AGBL1: variants seen among roughly 807,000 people sequenced by gnomAD.
AGBL1 encodes the protein AGBL carboxypeptidase 1.
A neutral mutation model predicts 118.9 loss-of-function variants in AGBL1; 130 were observed. The observed-to-expected ratio is 1.09, with a 90% CI of 0.95 to 1.26. AGBL1 has a LOEUF of 1.26. AGBL1 is among the 50% of genes most tolerant of loss of function. AGBL1 has a pLI of 0.00. For missense variants in AGBL1, 1,584 were observed against 1,298.1 expected (o/e 1.22, Z -3.38); for synonymous variants, 555 against 478.9 (o/e 1.16, Z -2.08).
chr15:86,560,101 A>G (rs1189510777), intron 21 of AGBL1, among the ~76,000 whole-genome samples: 1 of 152,034 alleles, frequency 6.6e-6, no homozygotes, highest in Non-Finnish European at 1.5e-5. Flanking sequence ...GTGTAATGTG[A>G]AGCCCTTAAA....
chr15:86,903,055 C>T (rs1364689103), intron 22 of AGBL1, among the ~76,000 whole-genome samples: 3 of 151,996 alleles, frequency 2.0e-5, no homozygotes, highest in African/African-American at 7.2e-5. Flanking sequence ...TGTTATAGTC[C>T]TACAGGATCT....
At chr15:86,890,215 C>A (rs927614972) in intron 22 of AGBL1, among the ~76,000 whole-genome samples, 3 of 152,086 alleles carry the variant, frequency 2.0e-5, no homozygotes, top group African/African-American at 7.3e-5. Flanking sequence ...AGTGTCTGTT[C>A]ATATCCTTTG....
intron 10 of AGBL1, among the ~76,000 whole-genome samples, 170 bp downstream of exon 10, chr15:86,263,064 T>C (rs367875085): frequency 3.3e-5 from 5 of 152,218 alleles, no homozygotes; most frequent in African/African-American, 1.2e-4. Context: ...TGGGAAAAGA[T>C]GGCAAAAATG....
chr15:86,549,835 G>A (rs1459546346), intron 20 of AGBL1, among the ~76,000 whole-genome samples: 1 of 139,698 alleles, frequency 7.2e-6, no homozygotes, highest in African/African-American at 2.6e-5. Context: ...AGGAAGGAAG[G>A]TAGGAAAGAG....
chr15:86,422,762 G>C (rs926566949), intron 18 of AGBL1, among the ~76,000 whole-genome samples: 1 of 151,768 alleles, frequency 6.6e-6, no homozygotes, highest in Non-Finnish European at 1.5e-5. Context: ...ATAAAGGGGA[G>C]ATCACCACTG....
At chr15:86,646,071 C>T (rs563224123) in intron 21 of AGBL1, among the ~76,000 whole-genome samples, 4 of 152,260 alleles carry the variant, frequency 2.6e-5, no homozygotes, top group South Asian at 4.1e-4. Flanking sequence ...GGGAGTGTAT[C>T]TTGGCGTGTA....
chr15:86,731,964 G>T (rs538933829), intron 22 of AGBL1, among the ~76,000 whole-genome samples: 1 of 152,190 alleles, frequency 6.6e-6, no homozygotes, highest in South Asian at 2.1e-4. Flanking sequence ...ATTCCTCAAG[G>T]GCACTGATCT....
At chr15:86,652,282 C>T (rs2085386809) in intron 21 of AGBL1, among the ~76,000 whole-genome samples, 1 of 152,122 alleles carries the variant, frequency 6.6e-6, no homozygotes, top group Non-Finnish European at 1.5e-5. Flanking sequence ...ATGACTTCCA[C>T]TTAGTGACAA....
chr15:87,006,094 G>T (rs1268888410), intron 24 of AGBL1, among the ~76,000 whole-genome samples: 2 of 152,212 alleles, frequency 1.3e-5, no homozygotes, highest in Non-Finnish European at 2.9e-5. Flanking sequence ...TGAGGTATCA[G>T]TCTGCCCCTA....
intron 24 of AGBL1, among the ~76,000 whole-genome samples, chr15:86,999,387 A>C: frequency 1.6e-5 from 2 of 125,186 alleles, no homozygotes; most frequent in Non-Finnish European, 1.7e-5. Context: ...CCACCCCACA[A>C]CAGTCCCCAG....
At chr15:86,919,757 G>A (rs80245832), downstream of AGBL1, among the ~76,000 whole-genome samples, 9,903 of 152,238 alleles carry the variant, frequency 0.065, 502 homozygotes, top group East Asian at 0.25. Context: ...GCTCTCTCAC[G>A]ATGTTTTATA....
chr15:86,961,966 G>A lies in AGBL1; in HGVS notation c.3222-26021G>A, dbSNP rs569629640. The stretch of plus-strand genomic sequence containing the variant: ...AAACTGACTTTATAGAGTAATGTCC[G>A]AAAAGCCTGGATGTGAGGATAAATA... On this transcript the variant is annotated intron_variant, in intron 23 of 24. Coordinates refer to the AGBL1 transcript ENST00000441037. 3.3e-5 allele frequency among the ~76,000 whole-genome samples: 5 copies of A among 152,190 alleles called. No individual in the cohort carries two copies. The East Asian group carries it at 7.8e-4, about 24-fold the overall frequency.
chr15:86,189,157 T>G (rs1229768437), intron 5 of AGBL1, among the ~76,000 whole-genome samples: 1 of 152,210 alleles, frequency 6.6e-6, no homozygotes, highest in Non-Finnish European at 1.5e-5. Context: ...TTTCACAAGT[T>G]TAGATGACTT....
At chr15:86,788,671 T>C (rs146752641) in intron 22 of AGBL1, among the ~76,000 whole-genome samples, 1,810 of 152,334 alleles carry the variant, frequency 0.012, 25 homozygotes, top group Middle Eastern at 0.054. Flanking sequence ...TAAATATGTT[T>C]ATAAGTAACA....
At chr15:87,020,436 T>G (rs2196059) in intron 24 of AGBL1, among the ~76,000 whole-genome samples, 1 of 151,824 alleles carries the variant, frequency 6.6e-6, no homozygotes, top group Non-Finnish European at 1.5e-5. Flanking sequence ...CCTTGAAAAC[T>G]AGCACCAGAA....
rs143772204 is a variant in AGBL1, at chr15:86,958,412, T to C, written c.3222-29575T>C. ...ACAGAGTTAAATTAATTAAAACCAT[T>C]TGATTTTAGCATAGGTATAGACAAG... On this transcript the variant is annotated intron_variant, in intron 23 of 24. Transcript: ENST00000441037. Among the ~76,000 whole-genome samples the C allele has an allele frequency of 2.7e-3, 415 of 152,062 alleles. 1 individual carries two copies. The highest frequency in any genetic ancestry group is 0.017 in the Middle Eastern group (5 of 294).
intron 17 of AGBL1, among the ~76,000 whole-genome samples, chr15:86,377,612 C>T (rs1451202849): frequency 1.3e-5 from 2 of 152,170 alleles, no homozygotes; most frequent in Non-Finnish European, 2.9e-5. Context: ...TTATAATTTA[C>T]AAGCTTATTT....
At chr15:86,244,123 A>G (rs972539296) in intron 6 of AGBL1, among the ~76,000 whole-genome samples, 2 of 151,646 alleles carry the variant, frequency 1.3e-5, no homozygotes, top group African/African-American at 4.8e-5. Flanking sequence ...ATCTATTTAG[A>G]AACTTAAAAA....
At chr15:86,469,404 G>T (rs151276899) in intron 18 of AGBL1, among the ~76,000 whole-genome samples, 15 of 152,240 alleles carry the variant, frequency 9.9e-5, no homozygotes, top group Middle Eastern at 3.4e-3. Flanking sequence ...TGAGTTGGAG[G>T]ATTTCCCTGT....
Sources: gnomAD v4.1 joint callset for allele counts (sites outside exome capture counted in the v4.1 genomes callset) on GRCh38, gnomAD v4.1.1 for gene constraint, MANE v1.5 for transcripts, NCBI Gene and HGNC (gene_info 2026-07-23, HGNC 2026-07-21) for gene names.